The following LVRN variants were observed in gnomAD, a reference collection of about 807,000 sequenced individuals.
LVRN encodes aminopeptidase Q.
In LVRN, 99 loss-of-function variants were observed where a neutral mutation model predicts 111.4. The observed-to-expected ratio is 0.89, with a 90% CI of 0.76 to 1.05. The LOEUF (loss-of-function observed/expected upper bound fraction) is 1.05. Ranked by LOEUF, LVRN falls within the 50% of genes least tolerant of loss-of-function variation. The probability of loss-of-function intolerance (pLI) is 0.00; values close to 1 mark genes in which losing one functional copy is unlikely to be tolerated. For synonymous variants in LVRN, 488 were observed against 449.5 expected, an observed-to-expected ratio of 1.09 and a Z score of -1.08; for missense variants, 1,414 against 1,206.8, an observed-to-expected ratio of 1.17 and a Z score of -2.54.
Position 115,984,630 on chromosome 5 carries a change from C to A in LVRN, c.899C>A (p.Thr300Lys). 1 of 1,613,638 alleles carries A rather than the reference C, an allele frequency of 6.2e-7. No individual in the cohort carries two copies. The highest frequency in any genetic ancestry group is 2.2e-5 in the East Asian group (1 of 44,854). The change falls in exon 3 of 20, where the codon ACG becomes AAG. Residue 300 changes from threonine (T) to lysine (K), a missense_variant. By Grantham distance (78) the Thr-to-Lys change is moderately conservative. Coordinates refer to ENST00000357872, the MANE Select transcript of LVRN (RefSeq NM_173800.5). ...TGGACTGTTACAACCTTTTCCACTA[C>A]GCCCCACATGCCAACTTACTTAGTC... Reference protein sequence around the residue: ...SKWTVTTFSTTPHMPTYLVAF... With the variant: ...SKWTVTTFSTKPHMPTYLVAF...
In LVRN at chr5:115,992,548, C is replaced by T. The variant is rs1295330224; in HGVS notation, c.1260+271C>T. Among the ~76,000 whole-genome samples, 4 of 152,146 alleles carry T rather than the reference C, an allele frequency of 2.6e-5. No individual in the cohort carries two copies. The South Asian group carries it at 6.2e-4, about 24-fold the overall frequency. On this transcript the variant is annotated intron_variant, in intron 5 of 19. Transcript: ENST00000357872. ...TAAGTTTGCTCCACAAAGTCCTCTT[C>T]AGGAAAAGTTAAACCATGCAGACAC...
Position 115,996,259 on chromosome 5 carries a change from A to C in LVRN, c.1374+2405A>C, listed in dbSNP as rs1748107761. 2.0e-5 allele frequency among the ~76,000 whole-genome samples: 3 copies of C among 152,362 alleles called. No homozygotes were observed. The South Asian group carries it at 6.2e-4, about 32-fold the overall frequency. ...AGCATCAATTTCAGTTACCTCTTAT[A>C]ATAACTAAAATGGTTATTATCAATA... On this transcript the variant is annotated intron_variant, in intron 6 of 19. Coordinates refer to ENST00000357872, the MANE Select transcript of LVRN (RefSeq NM_173800.5).
intron 6 of LVRN, among the ~76,000 whole-genome samples, chr5:115,998,560 C>T (rs1192090280): frequency 6.6e-6 from 1 of 152,084 alleles, no homozygotes; most frequent in Non-Finnish European, 1.5e-5. Flanking sequence ...TTATAGGTCA[C>T]CAGTGAGACA....
intron 13 of LVRN, among the ~76,000 whole-genome samples, chr5:116,006,320 T>A (rs1222296869): frequency 6.6e-6 from 1 of 152,174 alleles, no homozygotes; most frequent in African/African-American, 2.4e-5. Flanking sequence ...TTAATAAATG[T>A]TCAGAATTTA....
At chr5:116,023,016 A>C (rs1748786543) in intron 19 of LVRN, among the ~76,000 whole-genome samples, 1 of 152,246 alleles carries the variant, frequency 6.6e-6, no homozygotes, top group African/African-American at 2.4e-5. Flanking sequence ...TCTGGATTTC[A>C]GAAACACTCT....
intron 13 of LVRN, among the ~76,000 whole-genome samples, chr5:116,007,105 A>C (rs889422070): frequency 6.6e-6 from 1 of 152,224 alleles, no homozygotes; most frequent in Non-Finnish European, 1.5e-5. Context: ...CCAAGCTTTC[A>C]TCATCTCTTG....
At position 115,962,653 on chromosome 5, in the gene LVRN, C is replaced by G; in HGVS notation, c.36C>G (p.Ser12Arg). 1 of 1,607,402 alleles carries G rather than the reference C, an allele frequency of 6.2e-7. No individual in the cohort carries two copies. Among genetic ancestry groups the G allele is most frequent in the Non-Finnish European group, 8.5e-7 (1 of 1,178,470 alleles). Residue 12 changes from serine to arginine, a missense_variant, in exon 1 of 20, where the codon AGC (serine) becomes AGG (arginine). Physicochemically the swap from Ser to Arg is moderately radical, Grantham distance 110 (BLOSUM62 -1). Coordinates refer to ENST00000357872, the MANE Select transcript of LVRN (RefSeq NM_173800.5). Reference protein sequence around the residue: ...GPPSSSGFYVSRAVALLLAGL... With the variant: ...GPPSSSGFYVRRAVALLLAGL... ...CTTCCAGCTCAGGCTTCTATGTGAGCCGCGCAGTGGCCCTGCTGCTGGCTG... is the reference window on the plus strand; with the variant it reads ...CTTCCAGCTCAGGCTTCTATGTGAGGCGCGCAGTGGCCCTGCTGCTGGCTG...
chr5:115,980,332 G>A (rs1753536591), intron 1 of LVRN, among the ~76,000 whole-genome samples: 2 of 152,010 alleles, frequency 1.3e-5, no homozygotes, highest in Admixed American at 6.6e-5. Context: ...CTGCTGGTTA[G>A]ACTTGACTTT....
chr5:116,005,121 T>C (rs1421042108), intron 12 of LVRN, among the ~76,000 whole-genome samples: 4 of 152,236 alleles, frequency 2.6e-5, no homozygotes, highest in Non-Finnish European at 4.4e-5. Context: ...AGAGAATCTT[T>C]ATGATTAATA....
chr5:116,023,463 A>G (rs371286316), intron 19 of LVRN: 2 of 152,350 alleles, frequency 1.3e-5, no homozygotes, highest in Admixed American at 1.3e-4. Context: ...CTGCCCCGAA[A>G]AAAAGCACTT....
Position 116,022,391 on chromosome 5 carries a change from G to T in LVRN, c.2757G>T (p.Arg919Ser). ...LVNNWQAVSK[R>S]YGTQSLINLI... ...TGATTAACATCTTATTGCCTTGTAG[G>T]TATGGAACACAATCATTGATTAATC... The change falls in exon 19 of 20, where the codon AGG becomes AGT. Residue 919 changes from arginine (R) to serine (S), a missense_variant and splice_region_variant. By Grantham distance (110) the Arg-to-Ser change is moderately radical. Coordinates refer to ENST00000357872, the MANE Select transcript of LVRN (RefSeq NM_173800.5). The T allele has an allele frequency of 6.3e-7, 1 of 1,576,006 alleles. No individual in the cohort carries two copies. Among genetic ancestry groups the T allele is most frequent in the Non-Finnish European group, 8.7e-7 (1 of 1,152,150 alleles).
At position 116,027,280 on chromosome 5, in the gene LVRN, G is replaced by A. The variant is rs1046645951; in HGVS notation, c.*1162G>A. 1.3e-5 allele frequency: 2 copies of A among 152,144 alleles called. No homozygotes were observed. Among genetic ancestry groups the A allele is most frequent in the African/African-American group, 4.8e-5 (2 of 41,448 alleles). 9.4% of individuals were successfully genotyped at this position (152,144 alleles called of 1,614,324 possible). On this transcript the variant is annotated 3_prime_UTR_variant, in exon 20 of 20. Transcript: ENST00000357872. ...AAACTACAAATCTCCTCCTCAGGGTGATATTTTTAAAGATTAAGGAGTATG... is the reference window on the plus strand; with the variant it reads ...AAACTACAAATCTCCTCCTCAGGGTAATATTTTTAAAGATTAAGGAGTATG...
At chr5:115,983,073 A>C (rs1416149306) in intron 1 of LVRN, among the ~76,000 whole-genome samples, 5 of 152,138 alleles carry the variant, frequency 3.3e-5, no homozygotes. Context: ...GTGGTTTAAA[A>C]GTAAAGGGTG....
At chr5:116,016,038 C>T (rs1748596891) in intron 18 of LVRN, among the ~76,000 whole-genome samples, 1 of 152,202 alleles carries the variant, frequency 6.6e-6, no homozygotes, top group African/African-American at 2.4e-5. Context: ...GCCTATTCTA[C>T]TTCTGGTGAA....
chr5:116,014,730 T>A (rs1230229464), intron 16 of LVRN, among the ~76,000 whole-genome samples: 1 of 152,240 alleles, frequency 6.6e-6, no homozygotes, highest in Non-Finnish European at 1.5e-5. Flanking sequence ...ATTTATACAA[T>A]GAATTGTCAC....
chr5:115,980,778 T>C (rs1753545229), intron 1 of LVRN, among the ~76,000 whole-genome samples: 2 of 152,092 alleles, frequency 1.3e-5, no homozygotes, highest in South Asian at 4.2e-4. Context: ...TGAGCATGTA[T>C]TTTTTAATAT....
chr5:115,983,065 G>A (rs118113305), intron 1 of LVRN, among the ~76,000 whole-genome samples: 1 of 152,204 alleles, frequency 6.6e-6, no homozygotes, highest in East Asian at 1.9e-4. Context: ...ATTATTTTGT[G>A]GTTTAAAAGT....
intron 19 of LVRN, among the ~76,000 whole-genome samples, chr5:116,025,202 C>G (rs905135397): frequency 6.6e-6 from 1 of 152,114 alleles, no homozygotes; most frequent in African/African-American, 2.4e-5. Context: ...CTTTAACTTA[C>G]TTGTCCCTAA....
Position 115,962,926 on chromosome 5 carries a change from G to GCCGCTGCACTACGATCTGGAGCTGTGGCC in LVRN, c.310_338dup (p.Gln114ArgfsTer12), listed in dbSNP as rs781704102. 1.2e-6 allele frequency: 2 copies of GCCGCTGCACTACGATCTGGAGCTGTGGCC among 1,613,008 alleles called. No homozygotes were observed. Among genetic ancestry groups the GCCGCTGCACTACGATCTGGAGCTGTGGCC allele is most frequent in the Non-Finnish European group, 1.7e-6 (2 of 1,179,760 alleles). On this transcript the variant is annotated frameshift_variant, in exon 1 of 20. Coordinates refer to ENST00000357872, the MANE Select transcript of LVRN (RefSeq NM_173800.5). LOFTEE classifies it high-confidence loss of function. Reference sequence around the variant, plus strand: ...AGCTACGCCTGCCGCCCTGGCTCGTGCCGCTGCACTACGATCTGGAGCTGT... The same window carrying GCCGCTGCACTACGATCTGGAGCTGTGGCC: ...AGCTACGCCTGCCGCCCTGGCTCGTGCCGCTGCACTACGATCTGGAGCTGTGGCCCCGCTGCACTACGATCTGGAGCTGT...
Sources: allele counts gnomAD v4.1 joint callset (sites outside exome capture counted in the v4.1 genomes callset), GRCh38; gene constraint gnomAD v4.1.1; transcripts MANE v1.5; gene names NCBI Gene and HGNC (gene_info 2026-07-23, HGNC 2026-07-21).